MUCL1: variants seen among roughly 807,000 people sequenced by gnomAD.
MUCL1 encodes the protein mucin like 1, also known as mucin-like protein 1.
A neutral mutation model predicts 9.2 loss-of-function variants in MUCL1; 11 were observed. That is an observed-to-expected ratio of 1.19 (90% confidence interval 0.75 to 1.97). The LOEUF is 1.97. Among genes scored for constraint, MUCL1 ranks in the 30% most tolerant of loss-of-function variants. The pLI, the probability that MUCL1 is intolerant of heterozygous loss-of-function variation, is 0.00. For missense variants in MUCL1, 144 were observed against 110.9 expected, an observed-to-expected ratio of 1.30 and a Z score of -1.34; for synonymous variants, 48 against 40.5, an observed-to-expected ratio of 1.19 and a Z score of -0.71.
At chr12:54,846,477 C>A (rs1394749790) in intron 1 of MUCL1, among the ~76,000 whole-genome samples, 1 of 152,174 alleles carries the variant, frequency 6.6e-6, no homozygotes, top group African/African-American at 2.4e-5. Flanking sequence ...TGTTTCACTT[C>A]ATGGGAGAGT....
upstream of MUCL1, among the ~76,000 whole-genome samples, chr12:54,835,686 C>G (rs1959192063): frequency 6.6e-6 from 1 of 151,494 alleles, no homozygotes; most frequent in Non-Finnish European, 1.5e-5. Context: ...CAACTTTTCC[C>G]CGTTCAGTAT....
intron 1 of MUCL1, among the ~76,000 whole-genome samples, chr12:54,832,200 T>A (rs748386492): frequency 4.6e-5 from 7 of 152,090 alleles, no homozygotes; most frequent in Non-Finnish European, 8.8e-5. Context: ...TGGCTAAGAT[T>A]TGAATTCCTT....
chr12:54,840,837 G>C (rs903631547), intron 1 of MUCL1, among the ~76,000 whole-genome samples: 6 of 152,108 alleles, frequency 3.9e-5, no homozygotes, highest in African/African-American at 1.4e-4. Flanking sequence ...CAGCTCCCAC[G>C]CATTTGGCAA....
At chr12:54,854,446 G>A (rs759333703), upstream of MUCL1, 9 of 641,302 alleles carry the variant, frequency 1.4e-5, no homozygotes, top group Middle Eastern at 1.0e-3. Context: ...TACCTAACCT[G>A]GATTCTGGTT....
upstream of MUCL1, among the ~76,000 whole-genome samples, chr12:54,852,044 G>A (rs1868252354): frequency 6.6e-6 from 1 of 152,140 alleles, no homozygotes; most frequent in Non-Finnish European, 1.5e-5. Flanking sequence ...ATGCTCATGG[G>A]TTGGAAGAAT....
intron 1 of MUCL1, among the ~76,000 whole-genome samples, chr12:54,847,025 G>A (rs189612031): frequency 5.3e-5 from 8 of 152,260 alleles, no homozygotes; most frequent in Non-Finnish European, 1.0e-4. Context: ...CTTCCAAGAT[G>A]TCATCCACAT....
chr12:54,834,008 A>C (rs1959189035), intron 1 of MUCL1, among the ~76,000 whole-genome samples: 1 of 152,198 alleles, frequency 6.6e-6, no homozygotes, highest in Non-Finnish European at 1.5e-5. Context: ...TGTTAATTAC[A>C]TGCATTATAA....
upstream of MUCL1, among the ~76,000 whole-genome samples, chr12:54,853,679 G>A (rs1868272684): frequency 6.6e-6 from 1 of 151,206 alleles, no homozygotes; most frequent in Admixed American, 6.6e-5. Flanking sequence ...TTTTTATTAG[G>A]CCTTATCACC....
chr12:54,857,498 T>C (rs1868309601), intron 3 of MUCL1, among the ~76,000 whole-genome samples: 4 of 152,146 alleles, frequency 2.6e-5, no homozygotes. Flanking sequence ...AACTTTCACA[T>C]AGTATTGATT....
At position 54,855,173 on chromosome 12, in the gene MUCL1, A is replaced by AATGTC. The variant is rs1868289985; in HGVS notation, c.100+19_100+23dup. 1 of 1,611,590 alleles carries AATGTC rather than the reference A, an allele frequency of 6.2e-7. No homozygotes were observed. The highest frequency in any genetic ancestry group is 1.3e-5 in the African/African-American group (1 of 74,842). ...TATCCAGCTAGTGAGTCTGCACTTG[A>AATGTC]ATGTCATCTCTTTCCAGCAATAACC... On this transcript the variant is annotated intron_variant, in intron 2 of 3. Coordinates refer to ENST00000308796, the MANE Select transcript of MUCL1 (RefSeq NM_058173.3).
At chr12:54,853,471 G>T (rs1486257758), upstream of MUCL1, among the ~76,000 whole-genome samples, 1 of 152,162 alleles carries the variant, frequency 6.6e-6, no homozygotes, top group Non-Finnish European at 1.5e-5. Context: ...TATTCTACAT[G>T]CACTCACCAT....
At chr12:54,856,096 A>G (rs925793631) in intron 2 of MUCL1, among the ~76,000 whole-genome samples, 4 of 135,584 alleles carry the variant, frequency 3.0e-5, no homozygotes, top group Non-Finnish European at 6.5e-5. Context: ...CCCTTTGTAC[A>G]TATAGTAATT....
In MUCL1 at chr12:54,834,092, A is replaced by G. The variant is rs1959189153; in HGVS notation, n.357+3217A>G. The stretch of plus-strand genomic sequence containing the variant: ...TTTTATATTCATTGTAGTTTAATTC[A>G]TTAACCTATCTCTTCAGGGTTAGTG... On this transcript the variant is annotated intron_variant and non_coding_transcript_variant, in intron 1 of 3. Coordinates refer to the MUCL1 transcript ENST00000547990. Among the ~76,000 whole-genome samples the G allele has an allele frequency of 2.0e-5, 3 of 152,280 alleles. No homozygotes were observed. The South Asian group carries it at 6.2e-4, about 32-fold the overall frequency.
Position 54,854,522 on chromosome 12 carries a change from T to G in MUCL1, c.-61T>G. ...GATGTGGAATCCTGAAGTCAGCGCCTTGCCTTCTCTTAGGCTTTGAAGCAT... is the reference window on the plus strand; with the variant it reads ...GATGTGGAATCCTGAAGTCAGCGCCGTGCCTTCTCTTAGGCTTTGAAGCAT... On this transcript the variant is annotated 5_prime_UTR_variant, in exon 1 of 4. Coordinates refer to ENST00000308796, the MANE Select transcript of MUCL1 (RefSeq NM_058173.3). 1.4e-6 allele frequency: 2 copies of G among 1,393,258 alleles called. No individual in the cohort carries two copies. Among genetic ancestry groups the G allele is most frequent in the South Asian group, 2.4e-5 (2 of 83,806 alleles). The allele number at this position is 1,393,258 out of a possible 1,614,324, so 86.3% of individuals were successfully genotyped here.
At chr12:54,831,780 T>C (rs1249767474) in intron 1 of MUCL1, among the ~76,000 whole-genome samples, 1 of 152,090 alleles carries the variant, frequency 6.6e-6, no homozygotes, top group Non-Finnish European at 1.5e-5. Context: ...TGAAAAATTA[T>C]ACTATGAGGA....
At chr12:54,854,483 A>G, upstream of MUCL1, 1 of 893,800 alleles carries the variant, frequency 1.1e-6, no homozygotes, top group East Asian at 2.5e-5. Context: ...TGCCCTCTGC[A>G]TATATATTGT....
At chr12:54,847,939 T>G (rs1461315528) in intron 1 of MUCL1, among the ~76,000 whole-genome samples, 1 of 152,090 alleles carries the variant, frequency 6.6e-6, no homozygotes, top group Non-Finnish European at 1.5e-5. Context: ...TCCCTTGGCA[T>G]GATCACAGGA....
chr12:54,844,245 A>AT (rs367986327), intron 1 of MUCL1, among the ~76,000 whole-genome samples: 1,794 of 151,994 alleles, frequency 0.012, 38 homozygotes, highest in African/African-American at 0.041. Flanking sequence ...GGGGCCCCAG[A>AT]TTTTTTTTAT....
upstream of MUCL1, among the ~76,000 whole-genome samples, chr12:54,850,574 G>A (rs1301510259): frequency 2.6e-5 from 4 of 151,978 alleles, no homozygotes; most frequent in African/African-American, 9.7e-5. Flanking sequence ...GTACATTTGG[G>A]TTGGTTCCAA....
Sources: gnomAD v4.1 joint callset for allele counts (sites outside exome capture counted in the v4.1 genomes callset) on GRCh38, gnomAD v4.1.1 for gene constraint, MANE v1.5 for transcripts, NCBI Gene and HGNC (gene_info 2026-07-23, HGNC 2026-07-21) for gene names.